The following EXOG variants were observed in gnomAD, a reference collection of about 807,000 sequenced individuals.
The protein encoded by EXOG is exo/endonuclease G, also known as nuclease EXOG, mitochondrial.
Under a neutral mutation model 25.8 loss-of-function variants are expected in EXOG, and 27 were observed. That is an observed-to-expected ratio of 1.05 (90% CI 0.77 to 1.45). EXOG has a LOEUF of 1.45. Among genes scored for constraint, EXOG ranks in the 40% most tolerant of loss-of-function variants. The pLI is 0.00. For synonymous variants in EXOG, 133 were observed against 167.0 expected (o/e 0.80, Z 1.57); for missense variants, 458 against 450.5 (o/e 1.02, Z -0.15).
At chr3:38,511,129 T>C (rs535658255) in intron 5 of EXOG, among the ~76,000 whole-genome samples, 1 of 152,366 alleles carries the variant, frequency 6.6e-6, no homozygotes, top group South Asian at 2.1e-4. Flanking sequence ...ACTTATATTC[T>C]TGATTACTTT....
chr3:38,512,910 C>T (rs1037458409), intron 5 of EXOG, among the ~76,000 whole-genome samples: 1 of 152,168 alleles, frequency 6.6e-6, no homozygotes, highest in Non-Finnish European at 1.5e-5. Context: ...GATCTTCCCA[C>T]TTCAGCCTAC....
intron 2 of EXOG, chr3:38,498,957 A>C (rs1195664989): frequency 8.8e-6 from 4 of 456,602 alleles, no homozygotes; most frequent in Non-Finnish European, 1.8e-5. Context: ...TCCTAGCATC[A>C]TTGTTTCTTC....
chr3:38,523,627 C>T (rs2060791273), intron 5 of EXOG, among the ~76,000 whole-genome samples: 1 of 152,098 alleles, frequency 6.6e-6, no homozygotes. Flanking sequence ...CTTGGCGTCC[C>T]AAAGTGCTGG....
At chr3:38,510,391 A>C (rs1423481124) in intron 5 of EXOG, among the ~76,000 whole-genome samples, 2 of 152,220 alleles carry the variant, frequency 1.3e-5, no homozygotes, top group African/African-American at 4.8e-5. Flanking sequence ...TCTAATATAC[A>C]AATTAGATAA....
intron 5 of EXOG, among the ~76,000 whole-genome samples, chr3:38,522,985 A>G (rs1206069248): frequency 2.0e-5 from 3 of 152,230 alleles, no homozygotes; most frequent in African/African-American, 7.2e-5. Flanking sequence ...TTTGATCACA[A>G]GCCCAAGGAT....
At chr3:38,508,699 G>T (rs955028136) in intron 5 of EXOG, among the ~76,000 whole-genome samples, 2 of 143,418 alleles carry the variant, frequency 1.4e-5, no homozygotes, top group African/African-American at 5.3e-5. Flanking sequence ...CTGAGGAACA[G>T]ATTGAGGAAC....
intron 2 of EXOG, chr3:38,498,821 C>A: frequency 2.4e-6 from 1 of 414,252 alleles, no homozygotes; most frequent in South Asian, 1.7e-5. Context: ...TGAAATGATG[C>A]TGGAGAAGTA....
At chr3:38,522,916 T>C (rs2125805723) in intron 5 of EXOG, among the ~76,000 whole-genome samples, 1 of 152,378 alleles carries the variant, frequency 6.6e-6, no homozygotes, top group Middle Eastern at 3.4e-3. Flanking sequence ...TGGCTCTGGC[T>C]TCTTCATTGT....
In EXOG at chr3:38,500,424, G is replaced by A. The variant is rs922644573; in HGVS notation, c.314-931G>A. ...GCTGTAGAAGGAAGTGATTCCAATG[G>A]TAATGACACTTAGAAATTTACTAAT... is the stretch of plus-strand genomic sequence containing the variant. On this transcript the variant is annotated intron_variant, in intron 2 of 5. Transcript: ENST00000287675. 2.0e-5 allele frequency among the ~76,000 whole-genome samples: 3 copies of A among 152,054 alleles called. No individual in the cohort carries two copies. In the East Asian group the frequency reaches 5.8e-4, roughly 29 times the overall value.
chr3:38,511,370 C>T (rs1294142478), intron 5 of EXOG, among the ~76,000 whole-genome samples: 1 of 152,052 alleles, frequency 6.6e-6, no homozygotes, highest in African/African-American at 2.4e-5. Context: ...TACGTTGTTA[C>T]TTTCCTAATC....
chr3:38,507,447 A>G (rs1283089527), intron 5 of EXOG, among the ~76,000 whole-genome samples: 2 of 152,204 alleles, frequency 1.3e-5, no homozygotes, highest in East Asian at 1.9e-4. Flanking sequence ...AGATTTATAT[A>G]TCATTCATAA....
intron 5 of EXOG, among the ~76,000 whole-genome samples, chr3:38,521,544 G>A (rs547128420): frequency 1.3e-5 from 2 of 152,368 alleles, no homozygotes; most frequent in South Asian, 4.1e-4. Flanking sequence ...TCAAGTGAAT[G>A]TTCTTGAACT....
chr3:38,498,757 G>T (rs1361708069), intron 2 of EXOG: 3 of 335,980 alleles, frequency 8.9e-6, no homozygotes, highest in African/African-American at 6.5e-5. Context: ...CAGGAGTTTT[G>T]TTCTTTTAGG....
intron 5 of EXOG, among the ~76,000 whole-genome samples, chr3:38,510,753 A>G (rs1038835211): frequency 1.5e-4 from 23 of 151,512 alleles, no homozygotes; most frequent in Non-Finnish European, 1.5e-5. Context: ...GTGAAATGAT[A>G]CTCAAACATG....
At chr3:38,501,958 T>G (rs543584592) in intron 3 of EXOG, among the ~76,000 whole-genome samples, 1 of 152,308 alleles carries the variant, frequency 6.6e-6, no homozygotes, top group Admixed American at 6.5e-5. Flanking sequence ...AGTCTCTCTC[T>G]GTCACCCAGG....
At chr3:38,506,414 T>A (rs991282135) in intron 4 of EXOG, among the ~76,000 whole-genome samples, 1 of 152,236 alleles carries the variant, frequency 6.6e-6, no homozygotes, top group African/African-American at 2.4e-5. Context: ...ATTCTGGTCC[T>A]TGAAATTTAT....
Position 38,524,593 on chromosome 3 carries a change from C to T in EXOG, c.*231C>T. 1 of 1,238,246 alleles carries T rather than the reference C, an allele frequency of 8.1e-7. No homozygotes were observed. The highest frequency in any genetic ancestry group is 1.0e-6 in the Non-Finnish European group (1 of 985,646). 76.7% of individuals were successfully genotyped at this position (1,238,246 alleles called of 1,614,324 possible). ...GCCTCTGCCCCCTGAGCAGCTGGGA[C>T]TACAGGCACACACCATCACCCTCAG... On this transcript the variant is annotated 3_prime_UTR_variant, in exon 6 of 6. Coordinates refer to ENST00000287675, the MANE Select transcript of EXOG (RefSeq NM_005107.4).
chr3:38,496,525 C>T lies in EXOG; in HGVS notation c.158C>T (p.Pro53Leu), dbSNP rs766432267. ...GAGGGAGCGTTGACAGGGAAGCAGC[C>T]GGATGGTAAGTCTGTGGGCCCGTCC... ...GAEGALTGKQPDGSAEKAVLE... is the reference protein window; with the variant it reads ...GAEGALTGKQLDGSAEKAVLE... Residue 53 changes from proline to leucine, a missense_variant, in exon 1 of 6, where the codon CCG becomes CTG. Pro to Leu is a moderately conservative substitution (Grantham distance 98). Transcript: ENST00000287675. 6.2e-7 allele frequency: 1 copy of T among 1,611,170 alleles called. No individual in the cohort carries two copies. The highest frequency in any genetic ancestry group is 1.1e-5 in the South Asian group (1 of 91,002).
At chr3:38,520,960 A>G (rs2060698883) in intron 5 of EXOG, among the ~76,000 whole-genome samples, 1 of 152,310 alleles carries the variant, frequency 6.6e-6, no homozygotes, top group South Asian at 2.1e-4. Context: ...AATTTTTCCA[A>G]AAGTAGGAAA....
Sources: allele counts gnomAD v4.1 joint callset (sites outside exome capture counted in the v4.1 genomes callset), GRCh38; gene constraint gnomAD v4.1.1; transcripts MANE v1.5; gene names NCBI Gene and HGNC (gene_info 2026-07-23, HGNC 2026-07-21).